HHAT: variants seen among roughly 807,000 people sequenced by gnomAD.
HHAT encodes protein-cysteine N-palmitoyltransferase HHAT.
HHAT carries 47 observed loss-of-function variants against 70.8 expected under a neutral mutation model. The ratio of observed to expected loss-of-function variants is 0.66; its 90% CI spans 0.53 to 0.85. The LOEUF (loss-of-function observed/expected upper bound fraction) is 0.85. HHAT is among the 40% of genes least tolerant of loss of function. HHAT has a pLI of 0.00. For synonymous variants in HHAT, 228 were observed against 247.6 expected, an observed-to-expected ratio of 0.92 and a Z score of 0.74; for missense variants, 609 against 604.8, an observed-to-expected ratio of 1.01 and a Z score of -0.07.
At chr1:210,588,665 G>T (rs570449275) in intron 10 of HHAT, 7 of 152,266 alleles carry the variant, frequency 4.6e-5, no homozygotes, top group Admixed American at 3.9e-4. Flanking sequence ...ATGAATTCTC[G>T]TAAGTGAAAT....
rs779088988 is a variant in HHAT at position 210,329,116 on chromosome 1, G to C, written c.-44+12G>C. 15 of 1,374,944 alleles carry C rather than the reference G, an allele frequency of 1.1e-5. No individual in the cohort carries two copies. The South Asian group carries it at 2.4e-4, about 22-fold the overall frequency. 85.2% of individuals were successfully genotyped at this position (1,374,944 alleles called of 1,614,324 possible). A position where few individuals can be genotyped will look rare whatever the true frequency, so the allele number is the denominator to read the frequency against. On this transcript the variant is annotated intron_variant, in intron 1 of 11. Coordinates refer to ENST00000261458, the MANE Select transcript of HHAT (RefSeq NM_018194.6). ...GGGACAGCCCGGAGGTTGGTAACTG[G>C]TGACCATAGGGGGTCCTGGGGAGGT...
intron 7 of HHAT, among the ~76,000 whole-genome samples, chr1:210,436,795 C>T (rs781118229): frequency 3.3e-5 from 5 of 151,816 alleles, no homozygotes; most frequent in Non-Finnish European, 5.9e-5. Flanking sequence ...CTCAATTTCC[C>T]TTTGGCAGTA....
intron 3 of HHAT, among the ~76,000 whole-genome samples, chr1:210,373,423 C>T (rs148699988): frequency 5.9e-5 from 9 of 152,158 alleles, no homozygotes; most frequent in African/African-American, 2.2e-4. Context: ...AGTTGATAAG[C>T]CTTTGTTAAA....
At chr1:210,643,625 T>C (rs1673399313) in intron 11 of HHAT, among the ~76,000 whole-genome samples, 1 of 152,188 alleles carries the variant, frequency 6.6e-6, no homozygotes, top group African/African-American at 2.4e-5. Context: ...GATTTAGCAC[T>C]GGTCAATGAA....
At chr1:210,343,331 C>A (rs946479211) in intron 1 of HHAT, among the ~76,000 whole-genome samples, 1 of 152,134 alleles carries the variant, frequency 6.6e-6, no homozygotes, top group South Asian at 2.1e-4. Context: ...TTCCCCTGGC[C>A]CCTTCCTTTA....
At chr1:210,474,078 A>G (rs1489437901) in intron 8 of HHAT, among the ~76,000 whole-genome samples, 1 of 152,080 alleles carries the variant, frequency 6.6e-6, no homozygotes, top group African/African-American at 2.4e-5. Context: ...TCCATCTAAA[A>G]TTTATTTTTA....
chr1:210,545,478 C>T (rs1181136033), intron 9 of HHAT, among the ~76,000 whole-genome samples: 2 of 147,792 alleles, frequency 1.4e-5, no homozygotes, highest in African/African-American at 2.5e-5. Context: ...ACTCTGTTGC[C>T]CAGACTGGAG....
intron 11 of HHAT, among the ~76,000 whole-genome samples, chr1:210,639,103 C>T (rs772101279): frequency 1.1e-4 from 16 of 152,046 alleles, no homozygotes; most frequent in Non-Finnish European, 2.4e-4. Flanking sequence ...CTGCTCCGTC[C>T]ATCTGTCTAT....
intron 9 of HHAT, among the ~76,000 whole-genome samples, chr1:210,565,499 C>T (rs1294522522): frequency 6.6e-6 from 1 of 152,194 alleles, no homozygotes; most frequent in East Asian, 1.9e-4. Flanking sequence ...CTAGTCTGTT[C>T]TTCATTATTC....
At chr1:210,542,487 T>TAAAAA (rs760515327) in intron 9 of HHAT, among the ~76,000 whole-genome samples, 6,448 of 148,636 alleles carry the variant, frequency 0.043, 204 homozygotes, top group Non-Finnish European at 0.069. Context: ...GTGTTTTAGT[T>TAAAAA]AAAAAAAAAA....
chr1:210,389,418 C>T (rs943582424), intron 4 of HHAT, among the ~76,000 whole-genome samples: 2 of 152,198 alleles, frequency 1.3e-5, no homozygotes, highest in East Asian at 1.9e-4. Context: ...TAATTCATGA[C>T]ATGGTTTGGC....
intron 11 of HHAT, among the ~76,000 whole-genome samples, chr1:210,668,724 A>G (rs533638149): frequency 1.3e-4 from 20 of 152,344 alleles, no homozygotes; most frequent in South Asian, 2.1e-4. Context: ...AGGTGCCTCC[A>G]TACTGTTTTC....
At chr1:210,621,707 C>T (rs906188324) in intron 10 of HHAT, among the ~76,000 whole-genome samples, 1 of 152,114 alleles carries the variant, frequency 6.6e-6, no homozygotes, top group Non-Finnish European at 1.5e-5. Context: ...CTGACAGTGT[C>T]CTCTTGTACG....
intron 7 of HHAT, among the ~76,000 whole-genome samples, chr1:210,421,596 C>T (rs1262653784): frequency 1.3e-5 from 2 of 152,112 alleles, no homozygotes; most frequent in African/African-American, 4.8e-5. Context: ...AGGCATGCAC[C>T]ACCGTGCCCA....
At chr1:210,652,047 A>G (rs1675275032) in intron 11 of HHAT, among the ~76,000 whole-genome samples, 1 of 152,198 alleles carries the variant, frequency 6.6e-6, no homozygotes, top group Admixed American at 6.5e-5. Flanking sequence ...AGTAATTGGA[A>G]TAGATGCTGG....
intron 9 of HHAT, among the ~76,000 whole-genome samples, chr1:210,538,943 G>T (rs2095401816): frequency 6.6e-6 from 1 of 152,158 alleles, no homozygotes; most frequent in Non-Finnish European, 1.5e-5. Flanking sequence ...CGAGTGAGGT[G>T]GTGGACTTCT....
chr1:210,399,971 T>C (rs2091984987), intron 4 of HHAT, among the ~76,000 whole-genome samples: 1 of 152,206 alleles, frequency 6.6e-6, no homozygotes, highest in Admixed American at 6.5e-5. Context: ...ATATTTAAAA[T>C]CTCTGGCTTA....
chr1:210,465,003 A>G (rs2094069989), intron 8 of HHAT, among the ~76,000 whole-genome samples: 1 of 152,216 alleles, frequency 6.6e-6, no homozygotes, highest in African/African-American at 2.4e-5. Context: ...ACATCAGTGT[A>G]TGTGAGACTG....
At chr1:210,633,986 A>T (rs903921056) in intron 11 of HHAT, among the ~76,000 whole-genome samples, 3 of 152,232 alleles carry the variant, frequency 2.0e-5, no homozygotes, top group South Asian at 2.1e-4. Context: ...CTTAAAAAAA[A>T]ATATTTTTTG....
Sources: gnomAD v4.1 joint callset for allele counts (sites outside exome capture counted in the v4.1 genomes callset) on GRCh38, gnomAD v4.1.1 for gene constraint, MANE v1.5 for transcripts, NCBI Gene and HGNC (gene_info 2026-07-23, HGNC 2026-07-21) for gene names.